Variants in PCDHA6 observed in about 807,000 individuals in gnomAD.
The protein encoded by PCDHA6 is protocadherin alpha-6.
A neutral mutation model predicts 60.3 loss-of-function variants in PCDHA6; 55 were observed. The ratio of observed to expected loss-of-function variants is 0.91; its 90% CI spans 0.73 to 1.14. The LOEUF (loss-of-function observed/expected upper bound fraction) is 1.14. PCDHA6 is among the 50% of genes most tolerant of loss of function. PCDHA6 has a pLI of 0.00. For missense variants in PCDHA6, 1,327 were observed against 1,256.5 expected (o/e 1.06, Z -0.85); for synonymous variants, 652 against 557.9 (o/e 1.17, Z -2.38).
intron 1 of PCDHA6, among the ~76,000 whole-genome samples, chr5:140,878,502 G>A (rs782817563): frequency 2.0e-5 from 3 of 152,028 alleles, no homozygotes; most frequent in Admixed American, 6.5e-5. Flanking sequence ...CCATCTGTAC[G>A]ATACAGTACA....
At chr5:140,858,420 G>C in intron 1 of PCDHA6, 4 of 1,558,504 alleles carry the variant, frequency 2.6e-6, no homozygotes, top group South Asian at 1.1e-5. Context: ...TCTATTGGAG[G>C]GGACCACTCT....
chr5:140,859,256 G>C lies in PCDHA6; in HGVS notation c.2394+28771G>C, dbSNP rs182882850. On this transcript the variant is annotated intron_variant, in intron 1 of 3. Transcript: ENST00000529310. Reference sequence around the variant, plus strand: ...TCATGCTTATGTTTAATAATGAAGAGAATTTGAACACTTTTTACTTTTGAG... The same window carrying C: ...TCATGCTTATGTTTAATAATGAAGACAATTTGAACACTTTTTACTTTTGAG... 3 of 131,348 alleles carry C rather than the reference G, an allele frequency of 2.3e-5. 1 individual carries two copies. The highest frequency in any genetic ancestry group is 5.3e-5 in the Non-Finnish European group (3 of 56,988). The allele number at this position is 131,348 out of a possible 1,614,324, so 8.1% of individuals were successfully genotyped here.
Position 140,830,487 on chromosome 5 carries a change from T to C in PCDHA6, c.2394+2T>C. On this transcript the variant is annotated splice_donor_variant, in intron 1 of 3. Coordinates refer to ENST00000529310, the MANE Select transcript of PCDHA6 (RefSeq NM_018909.4). LOFTEE classifies it high-confidence loss of function. The stretch of plus-strand genomic sequence containing the variant: ...TTAAATGAAGATCATGATGCCAAAG[T>C]AAGTGAATTTTCATAATTAACAGTT... The C allele has an allele frequency of 6.7e-7, 1 of 1,497,798 alleles. No individual in the cohort carries two copies. The highest frequency in any genetic ancestry group is 2.4e-5 in the East Asian group (1 of 42,202). 92.8% of individuals were successfully genotyped at this position (1,497,798 alleles called of 1,614,324 possible). A position where few individuals can be genotyped will look rare whatever the true frequency, so the allele number is the denominator to read the frequency against.
At chr5:140,892,561 A>T (rs766284976) in intron 1 of PCDHA6, among the ~76,000 whole-genome samples, 1 of 152,156 alleles carries the variant, frequency 6.6e-6, no homozygotes, top group Non-Finnish European at 1.5e-5. Context: ...GTCCTTGGAG[A>T]CTGTCAAAAG....
At chr5:140,988,579 C>T (rs1292742279) in intron 3 of PCDHA6, among the ~76,000 whole-genome samples, 2 of 152,266 alleles carry the variant, frequency 1.3e-5, no homozygotes, top group East Asian at 3.9e-4. Context: ...CACTCTGTAC[C>T]TTCCACTTTT....
intron 1 of PCDHA6, chr5:140,969,317 G>A (rs1554231675): frequency 6.2e-7 from 1 of 1,614,156 alleles, no homozygotes; most frequent in East Asian, 2.2e-5. Context: ...AAATGAGGCT[G>A]TTTCTCAAAA....
intron 3 of PCDHA6, among the ~76,000 whole-genome samples, chr5:140,997,565 A>G (rs552009994): frequency 6.6e-6 from 1 of 152,292 alleles, no homozygotes; most frequent in South Asian, 2.1e-4. Flanking sequence ...CAACTGTCAT[A>G]TGTGTGGTCC....
At chr5:141,003,123 T>C (rs1387983867) in intron 3 of PCDHA6, among the ~76,000 whole-genome samples, 1 of 152,240 alleles carries the variant, frequency 6.6e-6, no homozygotes, top group Non-Finnish European at 1.5e-5. Flanking sequence ...GGCCCTTTCC[T>C]GGCATTTGCC....
chr5:140,946,611 A>T (rs868983636), intron 1 of PCDHA6, among the ~76,000 whole-genome samples: 1 of 86,804 alleles, frequency 1.2e-5, no homozygotes, highest in Admixed American at 1.2e-4. Context: ...GAAAATGTGA[A>T]ATATATATAT....
In PCDHA6 at chr5:140,969,100, C is replaced by T. The variant is rs781998624; in HGVS notation, c.2395-9849C>T. ...ATGGCCTCAAAGTGCAGCCTCACTT[C>T]ATTGAAGTTCGAGGGAATGGCTCCC... On this transcript the variant is annotated intron_variant, in intron 1 of 3. Coordinates refer to ENST00000529310, the MANE Select transcript of PCDHA6 (RefSeq NM_018909.4). The T allele has an allele frequency of 8.7e-6, 14 of 1,614,054 alleles. No individual in the cohort carries two copies. The South Asian group carries it at 8.8e-5, about 10-fold the overall frequency.
chr5:140,836,849 A>G, intron 1 of PCDHA6: 3 of 822,610 alleles, frequency 3.6e-6, no homozygotes, highest in Non-Finnish European at 3.7e-6. Context: ...ATGTATAATT[A>G]TTATTTTTTA....
chr5:140,953,938 C>T (rs1349031672), intron 1 of PCDHA6, among the ~76,000 whole-genome samples: 1 of 152,088 alleles, frequency 6.6e-6, no homozygotes, highest in African/African-American at 2.4e-5. Context: ...CTCTCCCTCC[C>T]ATTGCTCCCC....
At chr5:140,854,247 T>C (rs782783926) in intron 1 of PCDHA6, 12 of 635,110 alleles carry the variant, frequency 1.9e-5, no homozygotes, top group Non-Finnish European at 2.4e-5. Context: ...TGTTATCACT[T>C]GGTATAAAAT....
chr5:140,907,158 T>C (rs1482177408), intron 1 of PCDHA6, among the ~76,000 whole-genome samples: 1 of 152,146 alleles, frequency 6.6e-6, no homozygotes, highest in Non-Finnish European at 1.5e-5. Flanking sequence ...AACAGTACCA[T>C]ATATTGGATG....
intron 1 of PCDHA6, chr5:140,842,284 C>A: frequency 1.2e-6 from 2 of 1,610,320 alleles, no homozygotes; most frequent in South Asian, 1.1e-5. Context: ...TCCTCATTGA[C>A]GCCACGGACA....
chr5:140,897,877 C>T (rs1554187641), intron 1 of PCDHA6, among the ~76,000 whole-genome samples: 1 of 152,154 alleles, frequency 6.6e-6, no homozygotes, highest in Non-Finnish European at 1.5e-5. Flanking sequence ...TAATGATTGC[C>T]ATTCTAACTG....
Position 140,927,620 on chromosome 5 carries a change from C to T in PCDHA6, c.2395-51329C>T, listed in dbSNP as rs2153590504. 6.2e-7 allele frequency: 1 copy of T among 1,614,196 alleles called. No homozygotes were observed. ...CGCTCCGTATACCGCACCAAGGTTC[C>T]AGAGACTGCACCCAATGGGACTGTG... is the stretch of plus-strand genomic sequence containing the variant. On this transcript the variant is annotated intron_variant, in intron 1 of 3. Coordinates refer to ENST00000529310, the MANE Select transcript of PCDHA6 (RefSeq NM_018909.4).
chr5:140,884,750 A>G, intron 1 of PCDHA6: 1 of 1,431,238 alleles, frequency 7.0e-7, no homozygotes, highest in Non-Finnish European at 9.2e-7. Flanking sequence ...TGCCAATTTC[A>G]AATTATTCTT....
Position 140,829,316 on chromosome 5 carries a change from C to T in PCDHA6, c.1225C>T (p.Leu409=), listed in dbSNP as rs2150165789. ...STFKNYYSLV[L]DSALDRESVS... The stretch of plus-strand genomic sequence containing the variant: ...CTTCAAGAATTACTACTCGTTGGTG[C>T]TGGACAGTGCCCTGGACCGCGAGAG... The change falls in exon 1 of 4, where the codon CTG becomes TTG. Residue 409 remains leucine, a synonymous_variant. Coordinates refer to ENST00000529310, the MANE Select transcript of PCDHA6 (RefSeq NM_018909.4). The T allele has an allele frequency of 2.5e-6, 4 of 1,614,262 alleles. No homozygotes were observed. The highest frequency in any genetic ancestry group is 3.3e-5 in the Admixed American group (2 of 60,032).
Sources: gnomAD v4.1 joint callset for allele counts (sites outside exome capture counted in the v4.1 genomes callset) on GRCh38, gnomAD v4.1.1 for gene constraint, MANE v1.5 for transcripts, NCBI Gene and HGNC (gene_info 2026-07-23, HGNC 2026-07-21) for gene names.